NRG1: variants seen among roughly 807,000 people sequenced by gnomAD.
The protein encoded by NRG1 is pro-neuregulin-1, membrane-bound isoform.
Under a neutral mutation model 63.8 loss-of-function variants are expected in NRG1, and 18 were observed. The observed-to-expected ratio is 0.28, with a 90% CI of 0.19 to 0.42. NRG1 has a LOEUF of 0.42. Among genes scored for constraint, NRG1 ranks in the 10% least tolerant of loss-of-function variants. NRG1 has a pLI of 1.00. For missense variants in NRG1, 762 were observed against 814.7 expected (o/e 0.94, Z 0.79); for synonymous variants, 302 against 301.3 (o/e 1.00, Z -0.02).
At chr8:32,671,431 T>C (rs1712455378) in intron 5 of NRG1, among the ~76,000 whole-genome samples, 1 of 152,192 alleles carries the variant, frequency 6.6e-6, no homozygotes, top group South Asian at 2.1e-4. Context: ...AGGAATGGAT[T>C]AGAAGTTTCC....
intron 1 of NRG1, among the ~76,000 whole-genome samples, chr8:31,767,847 CAAAAA>C (rs55792550): frequency 9.6e-6 from 1 of 104,418 alleles, no homozygotes; most frequent in Non-Finnish European, 1.9e-5. Flanking sequence ...AACTCTTTCT[CAAAAA>C]AAAAAAAAAA....
chr8:32,520,697 T>A (rs1477871488), intron 1 of NRG1, among the ~76,000 whole-genome samples: 1 of 152,240 alleles, frequency 6.6e-6, no homozygotes, highest in Non-Finnish European at 1.5e-5. Flanking sequence ...CTTTACAGTT[T>A]TGCTTTTGGC....
At chr8:32,007,006 C>T (rs1279855263) in intron 1 of NRG1, among the ~76,000 whole-genome samples, 1 of 151,998 alleles carries the variant, frequency 6.6e-6, no homozygotes, top group African/African-American at 2.4e-5. Context: ...AAGAGGATCC[C>T]ATTCTGGTGT....
chr8:31,707,808 C>G (rs188451433), intron 1 of NRG1, among the ~76,000 whole-genome samples: 117 of 152,168 alleles, frequency 7.7e-4, no homozygotes, highest in Non-Finnish European at 1.0e-3. Context: ...AGTTGTTTTT[C>G]AGTTAATTAT....
intron 1 of NRG1, among the ~76,000 whole-genome samples, chr8:32,534,973 A>C (rs903501975): frequency 1.2e-4 from 19 of 152,340 alleles, no homozygotes; most frequent in African/African-American, 4.3e-4. Flanking sequence ...ATGTAAGCTA[A>C]AATGGCTCTA....
At chr8:31,809,001 T>C (rs1200827735) in intron 1 of NRG1, among the ~76,000 whole-genome samples, 1 of 152,102 alleles carries the variant, frequency 6.6e-6, no homozygotes. Flanking sequence ...ATATCTTTGC[T>C]CTTACATTTG....
At chr8:32,213,324 G>T (rs1844877745) in intron 1 of NRG1, among the ~76,000 whole-genome samples, 1 of 152,122 alleles carries the variant, frequency 6.6e-6, no homozygotes, top group South Asian at 2.1e-4. Context: ...GACATGGATG[G>T]AGCTAGAAGC....
chr8:31,939,036 G>C (rs1223913196), intron 1 of NRG1, among the ~76,000 whole-genome samples: 1 of 152,134 alleles, frequency 6.6e-6, no homozygotes, highest in East Asian at 1.9e-4. Context: ...TAAAGATCTA[G>C]ACATTCAAAT....
intron 5 of NRG1, among the ~76,000 whole-genome samples, chr8:32,662,458 C>G (rs1027048006): frequency 2.0e-5 from 3 of 152,044 alleles, no homozygotes; most frequent in African/African-American, 7.2e-5. Context: ...GCTTTTCCAC[C>G]GAAAGAGATG....
intron 1 of NRG1, among the ~76,000 whole-genome samples, chr8:32,055,725 A>AGC (rs1554613884): frequency 1.6e-5 from 2 of 122,128 alleles, no homozygotes; most frequent in Non-Finnish European, 3.5e-5. Context: ...ACTTTAAAAT[A>AGC]ACGTCTTTCT....
chr8:32,718,459 G>A (rs560715378), intron 5 of NRG1, among the ~76,000 whole-genome samples: 8 of 152,168 alleles, frequency 5.3e-5, no homozygotes, highest in Non-Finnish European at 1.0e-4. Flanking sequence ...TCATCTCCAT[G>A]TTTTCCCGTT....
At chr8:32,413,286 A>C (rs1023971246) in intron 1 of NRG1, among the ~76,000 whole-genome samples, 1 of 152,214 alleles carries the variant, frequency 6.6e-6, no homozygotes, top group African/African-American at 2.4e-5. Flanking sequence ...CCTTCATTAC[A>C]AACCATGCCC....
chr8:31,881,458 T>C (rs1830339616), intron 1 of NRG1, among the ~76,000 whole-genome samples: 1 of 152,140 alleles, frequency 6.6e-6, no homozygotes, highest in Admixed American at 6.6e-5. Flanking sequence ...CCCTATTCCT[T>C]GAGACAAAAT....
intron 5 of NRG1, among the ~76,000 whole-genome samples, chr8:32,687,739 A>T (rs1328759428): frequency 6.6e-6 from 1 of 152,214 alleles, no homozygotes; most frequent in Non-Finnish European, 1.5e-5. Context: ...ATATAATCAT[A>T]ACTGTAGTCA....
chr8:31,804,877 C>A (rs1822123356), intron 1 of NRG1, among the ~76,000 whole-genome samples: 1 of 152,088 alleles, frequency 6.6e-6, no homozygotes, highest in African/African-American at 2.4e-5. Flanking sequence ...ATAGCCTAGC[C>A]AAGTTGATAG....
At chr8:32,041,634 G>A (rs527337406) in intron 1 of NRG1, among the ~76,000 whole-genome samples, 35 of 152,296 alleles carry the variant, frequency 2.3e-4, no homozygotes, top group African/African-American at 7.9e-4. Context: ...AAGCTCTCAG[G>A]ACGAGAAAGT....
intron 5 of NRG1, among the ~76,000 whole-genome samples, chr8:32,644,677 G>A (rs571237769): frequency 1.3e-5 from 2 of 152,350 alleles, no homozygotes; most frequent in East Asian, 3.9e-4. Flanking sequence ...CCAAGGGAAA[G>A]AGTACTTGTG....
intron 1 of NRG1, among the ~76,000 whole-genome samples, chr8:32,265,843 TA>T (rs1168191341): frequency 1.3e-5 from 2 of 151,912 alleles, no homozygotes; most frequent in Non-Finnish European, 1.5e-5. Context: ...ACCCTGTCTT[TA>T]AAAAAATAAT....
chr8:32,626,986 C>A (rs1588810212), intron 5 of NRG1, among the ~76,000 whole-genome samples: 2 of 151,996 alleles, frequency 1.3e-5, no homozygotes, highest in East Asian at 3.9e-4. Context: ...CACCACTGCA[C>A]TCTGGCCTGG....
Sources: allele counts gnomAD v4.1 joint callset (sites outside exome capture counted in the v4.1 genomes callset), GRCh38; gene constraint gnomAD v4.1.1; transcripts MANE v1.5; gene names NCBI Gene and HGNC (gene_info 2026-07-23, HGNC 2026-07-21).